IL1RAPL2: variants seen among roughly 807,000 people sequenced by gnomAD.
The protein encoded by IL1RAPL2 is X-linked interleukin-1 receptor accessory protein-like 2.
In IL1RAPL2, 3 loss-of-function variants were observed where a neutral mutation model predicts 44.1. The ratio of observed to expected loss-of-function variants is 0.07; its 90% CI spans 0.03 to 0.18. The LOEUF (loss-of-function observed/expected upper bound fraction) is 0.18. Ranked by LOEUF, IL1RAPL2 falls within the 10% of genes least tolerant of loss-of-function variation. IL1RAPL2 has a pLI of 1.00. For synonymous variants in IL1RAPL2, 181 were observed against 178.8 expected (o/e 1.01, Z -0.10); for missense variants, 391 against 496.4 (o/e 0.79, Z 2.02).
chrX:104,932,532 A>G (rs1924933403), intron 2 of IL1RAPL2, among the ~76,000 whole-genome samples: 1 of 111,363 alleles, frequency 9.0e-6, no homozygotes, highest in Non-Finnish European at 1.9e-5. Context: ...TGGGTTTTCT[A>G]TTATATAAAA....
chrX:104,867,950 A>C (rs900528049), intron 2 of IL1RAPL2, among the ~76,000 whole-genome samples: 1 of 111,843 alleles, frequency 8.9e-6, no homozygotes, highest in Non-Finnish European at 1.9e-5. Context: ...TCTGGAAGTT[A>C]AGTAGGGACC....
At chrX:104,973,109 T>C (rs1283544010) in intron 2 of IL1RAPL2, among the ~76,000 whole-genome samples, 1 of 112,108 alleles carries the variant, frequency 8.9e-6, no homozygotes, top group African/African-American at 3.2e-5. Flanking sequence ...AGACTAAGTC[T>C]TGTGAGAGGC....
chrX:105,117,819 A>G lies in IL1RAPL2; in HGVS notation c.83-77656A>G, dbSNP rs1024539788. ...ATTACCCAATCTCAGGTATTTCTCC[A>G]TAGCAGCATGAGAACAGACTAATAC... On this transcript the variant is annotated intron_variant, in intron 2 of 10. Coordinates refer to ENST00000372582, the MANE Select transcript of IL1RAPL2 (RefSeq NM_017416.2). 1.3e-4 allele frequency among the ~76,000 whole-genome samples: 15 copies of G among 111,773 alleles called. No homozygotes were observed. The East Asian group carries it at 2.3e-3, about 17-fold the overall frequency.
intron 5 of IL1RAPL2, among the ~76,000 whole-genome samples, chrX:105,331,669 G>T (rs1386722804): frequency 1.8e-5 from 2 of 111,392 alleles, no homozygotes; most frequent in African/African-American, 6.5e-5. Context: ...TTAAATCACT[G>T]GTGCTTGGTG....
intron 2 of IL1RAPL2, among the ~76,000 whole-genome samples, chrX:105,118,955 T>C (rs1256062504): frequency 8.9e-6 from 1 of 111,908 alleles, no homozygotes; most frequent in Non-Finnish European, 1.9e-5. Context: ...AAGTTACTGA[T>C]ACAGTGGTTA....
At chrX:104,923,267 T>G (rs1325912877) in intron 2 of IL1RAPL2, among the ~76,000 whole-genome samples, 3 of 112,095 alleles carry the variant, frequency 2.7e-5, no homozygotes, top group African/African-American at 9.7e-5. Context: ...TTCCCTGATC[T>G]TCCTAGAGAT....
intron 2 of IL1RAPL2, among the ~76,000 whole-genome samples, chrX:104,667,637 T>C (rs771957797): frequency 1.8e-5 from 2 of 111,469 alleles, no homozygotes; most frequent in South Asian, 7.6e-4. Flanking sequence ...AGTCCTGCTC[T>C]TAATCACTCG....
intron 2 of IL1RAPL2, among the ~76,000 whole-genome samples, chrX:105,115,123 G>C: frequency 9.0e-6 from 1 of 111,046 alleles, no homozygotes; most frequent in Middle Eastern, 4.7e-3. Flanking sequence ...GGTGTGTCTG[G>C]GGTTTGTTCC....
chrX:105,367,752 A>G (rs2035306761), intron 5 of IL1RAPL2, among the ~76,000 whole-genome samples: 2 of 111,624 alleles, frequency 1.8e-5, no homozygotes, highest in Non-Finnish European at 3.8e-5. Flanking sequence ...TTTAACTTTC[A>G]TAGTAGATAT....
chrX:105,604,383 A>G (rs770427414), intron 6 of IL1RAPL2, among the ~76,000 whole-genome samples: 1 of 111,197 alleles, frequency 9.0e-6, no homozygotes, highest in Non-Finnish European at 1.9e-5. Context: ...ATATGTCAAC[A>G]AGTTGACAAA....
intron 2 of IL1RAPL2, among the ~76,000 whole-genome samples, chrX:105,128,823 A>T (rs139416362): frequency 9.0e-6 from 1 of 111,324 alleles, no homozygotes; most frequent in Non-Finnish European, 1.9e-5. Flanking sequence ...CATGTTTCGT[A>T]TCTAATATTA....
At chrX:105,308,682 TC>T (rs1211336044) in intron 5 of IL1RAPL2, among the ~76,000 whole-genome samples, 1 of 112,672 alleles carries the variant, frequency 8.9e-6, no homozygotes, top group East Asian at 2.8e-4. Context: ...TAAAGATCCG[TC>T]GTCCTGTTGA....
chrX:104,805,031 T>G, intron 2 of IL1RAPL2, among the ~76,000 whole-genome samples: 1 of 112,125 alleles, frequency 8.9e-6, no homozygotes, highest in East Asian at 2.8e-4. Flanking sequence ...TAGTGCCTTT[T>G]TCTCCTGCTG....
intron 2 of IL1RAPL2, among the ~76,000 whole-genome samples, chrX:105,070,731 G>T (rs868282437): frequency 9.8e-6 from 1 of 101,701 alleles, no homozygotes; most frequent in Non-Finnish European, 2.0e-5. Flanking sequence ...ATATATTTAT[G>T]TGTGTGTGTG....
At chrX:105,388,617 G>A (rs1171452735) in intron 5 of IL1RAPL2, among the ~76,000 whole-genome samples, 1 of 110,745 alleles carries the variant, frequency 9.0e-6, no homozygotes, top group Non-Finnish European at 1.9e-5. Flanking sequence ...GGCCTACTCA[G>A]TAACGGTCTA....
intron 2 of IL1RAPL2, among the ~76,000 whole-genome samples, chrX:105,080,628 G>C (rs926238166): frequency 2.7e-5 from 3 of 111,854 alleles, no homozygotes; most frequent in African/African-American, 9.8e-5. Flanking sequence ...TAGCCTTGTA[G>C]TATAGTTTGA....
At chrX:105,744,405 C>T in intron 8 of IL1RAPL2, among the ~76,000 whole-genome samples, 1 of 111,452 alleles carries the variant, frequency 9.0e-6, no homozygotes, top group African/African-American at 3.3e-5. Flanking sequence ...TCAGAACAAG[C>T]TCTGGCTTGT....
chrX:105,268,967 T>C (rs938965309), intron 5 of IL1RAPL2, among the ~76,000 whole-genome samples: 1 of 110,272 alleles, frequency 9.1e-6, no homozygotes, highest in East Asian at 2.9e-4. Context: ...AAAAAGTATG[T>C]GTGTGTGTGT....
chrX:104,728,773 T>C (rs137918206), intron 2 of IL1RAPL2, among the ~76,000 whole-genome samples: 1 of 111,731 alleles, frequency 9.0e-6, no homozygotes, highest in Non-Finnish European at 1.9e-5. Context: ...ACGGGCCTGT[T>C]TTCTTAATCT....
Sources: allele counts gnomAD v4.1 joint callset (sites outside exome capture counted in the v4.1 genomes callset), GRCh38; gene constraint gnomAD v4.1.1; transcripts MANE v1.5; gene names NCBI Gene and HGNC (gene_info 2026-07-23, HGNC 2026-07-21).